Variants in LRBA observed in about 807,000 individuals in gnomAD.
LRBA encodes the protein LPS responsive beige-like anchor protein.
A neutral mutation model predicts 330.0 loss-of-function variants in LRBA; 176 were observed. The ratio of observed to expected loss-of-function variants is 0.53; its 90% CI spans 0.47 to 0.60. LRBA has a LOEUF of 0.60. Among genes scored for constraint, LRBA ranks in the 20% least tolerant of loss-of-function variants. The pLI, the probability that LRBA is intolerant of heterozygous loss-of-function variation, is 0.00. For missense variants in LRBA, 3,259 were observed against 3,444.8 expected, an observed-to-expected ratio of 0.95 and a Z score of 1.35; for synonymous variants, 1,230 against 1,193.0, an observed-to-expected ratio of 1.03 and a Z score of -0.64.
chr4:150,413,321 A>G (rs1345329738), intron 47 of LRBA, among the ~76,000 whole-genome samples: 10 of 152,080 alleles, frequency 6.6e-5, no homozygotes, highest in Admixed American at 2.6e-4. Flanking sequence ...AAGAGAAATA[A>G]AAACAGATGT....
intron 37 of LRBA, among the ~76,000 whole-genome samples, chr4:150,644,511 T>C (rs1193898472): frequency 6.6e-6 from 1 of 151,970 alleles, no homozygotes; most frequent in East Asian, 1.9e-4. Flanking sequence ...AAGAATATTA[T>C]AGCCTTTCAG....
chr4:150,353,708 C>T (rs1737465838), intron 47 of LRBA, among the ~76,000 whole-genome samples: 2 of 152,160 alleles, frequency 1.3e-5, no homozygotes, highest in South Asian at 4.1e-4. Context: ...GAGATCACCA[C>T]AATGCCATGG....
At chr4:151,003,821 A>G (rs2149658081) in intron 2 of LRBA, among the ~76,000 whole-genome samples, 1 of 152,154 alleles carries the variant, frequency 6.6e-6, no homozygotes, top group South Asian at 2.1e-4. Flanking sequence ...AAACCAACAC[A>G]TAGACGAATG....
intron 30 of LRBA, among the ~76,000 whole-genome samples, chr4:150,826,675 A>G (rs186337842): frequency 2.0e-5 from 3 of 152,234 alleles, no homozygotes; most frequent in African/African-American, 7.2e-5. Flanking sequence ...CCAGAGCTTC[A>G]TGAGTTCAAC....
At chr4:150,538,572 T>C (rs569256324) in intron 40 of LRBA, among the ~76,000 whole-genome samples, 1 of 151,880 alleles carries the variant, frequency 6.6e-6, no homozygotes, top group Non-Finnish European at 1.5e-5. Context: ...CATTCATAAA[T>C]GGGAGTTAAA....
intron 23 of LRBA, 69 bp downstream of exon 23, chr4:150,851,816 T>C (rs938029065): frequency 7.2e-7 from 1 of 1,395,912 alleles, no homozygotes; most frequent in Non-Finnish European, 9.4e-7. Flanking sequence ...AAATAAAATT[T>C]AAGTATATAC....
chr4:150,960,033 G>A (rs1170632816), intron 2 of LRBA, among the ~76,000 whole-genome samples: 1 of 147,862 alleles, frequency 6.8e-6, no homozygotes, highest in East Asian at 1.9e-4. Flanking sequence ...GGCTACCGGT[G>A]TGTACCACCA....
chr4:150,753,422 T>C (rs1291318206), intron 35 of LRBA, among the ~76,000 whole-genome samples: 1 of 152,210 alleles, frequency 6.6e-6, no homozygotes, highest in Non-Finnish European at 1.5e-5. Context: ...TCAAAGGTTA[T>C]GAGAGTTCCG....
intron 28 of LRBA, among the ~76,000 whole-genome samples, chr4:150,840,113 C>T (rs967326565): frequency 2.0e-5 from 3 of 152,188 alleles, no homozygotes; most frequent in African/African-American, 7.2e-5. Flanking sequence ...GCGTTGGAGC[C>T]TTATCTGAAA....
chr4:150,973,810 T>G (rs377334386), intron 2 of LRBA, among the ~76,000 whole-genome samples: 1 of 152,006 alleles, frequency 6.6e-6, no homozygotes. Flanking sequence ...CTGGGCAAAA[T>G]AGCGAGACCC....
rs75472437 is a variant in LRBA at position 150,834,235 on chromosome 4, T to A, written c.4570-2259A>T. On this transcript the variant is annotated intron_variant, in intron 28 of 56. Transcript: ENST00000651943. ...TCCCATGAATCACATGGGTACTTCA[T>A]GGTATCTACAATAGTGAATCAATTC... Among the ~76,000 whole-genome samples, 958 of 152,314 alleles carry A rather than the reference T, an allele frequency of 6.3e-3. 4 individuals carry two copies. Among genetic ancestry groups the A allele is most frequent in the Non-Finnish European group, 0.011 (757 of 68,024 alleles).
At chr4:150,885,068 C>G (rs1728796527) in intron 17 of LRBA, among the ~76,000 whole-genome samples, 1 of 151,830 alleles carries the variant, frequency 6.6e-6, no homozygotes, top group South Asian at 2.1e-4. Flanking sequence ...AATAAAGAAT[C>G]TGTGAATTCA....
chr4:150,566,491 T>A (rs558931764), intron 40 of LRBA, among the ~76,000 whole-genome samples: 1 of 152,134 alleles, frequency 6.6e-6, no homozygotes, highest in South Asian at 2.1e-4. Context: ...AAATAAAGAC[T>A]GATTTCAAAA....
chr4:150,672,102 T>C (rs1782112190), intron 37 of LRBA, among the ~76,000 whole-genome samples: 6 of 152,170 alleles, frequency 3.9e-5, no homozygotes, highest in Admixed American at 3.9e-4. Flanking sequence ...AATCCAATCT[T>C]TGACTATTTA....
chr4:150,881,654 C>T lies in LRBA; in HGVS notation c.2166-8899G>A, dbSNP rs554924126. ...CATGTAACAAACCTGCACATGTACCCCCTGAATCTAAGATAAAGGTGGGAA... is the reference window on the plus strand; with the variant it reads ...CATGTAACAAACCTGCACATGTACCTCCTGAATCTAAGATAAAGGTGGGAA... On this transcript the variant is annotated intron_variant, in intron 17 of 56. Transcript: ENST00000651943. Among the ~76,000 whole-genome samples, 98 of 152,154 alleles carry T rather than the reference C, an allele frequency of 6.4e-4. 2 individuals carry two copies. The South Asian group carries it at 0.019, about 30-fold the overall frequency.
chr4:150,454,018 G>A (rs1051587273), intron 44 of LRBA, among the ~76,000 whole-genome samples: 3 of 151,896 alleles, frequency 2.0e-5, no homozygotes, highest in Admixed American at 6.6e-5. Flanking sequence ...CTGGAGGGCA[G>A]AGCACGATCT....
At chr4:150,391,444 T>A (rs1743914714) in intron 47 of LRBA, among the ~76,000 whole-genome samples, 1 of 152,132 alleles carries the variant, frequency 6.6e-6, no homozygotes, top group South Asian at 2.1e-4. Context: ...GTGGGCATAG[T>A]CTAAAAAAGG....
In LRBA at chr4:150,758,718, T is replaced by G. The variant is rs180949558; in HGVS notation, c.5645+3065A>C. 3.3e-5 allele frequency among the ~76,000 whole-genome samples: 5 copies of G among 151,302 alleles called. No individual in the cohort carries two copies. The East Asian group carries it at 9.8e-4, about 30-fold the overall frequency. On this transcript the variant is annotated intron_variant, in intron 35 of 56. Coordinates refer to ENST00000651943, the MANE Select transcript of LRBA (RefSeq NM_001364905.1). ...CCTCCCATGTAGCTGGGACCACAGG[T>G]GCATGCCACCATACCCAACTAATTC...
chr4:150,602,024 A>G (rs1209432390), intron 37 of LRBA, among the ~76,000 whole-genome samples: 2 of 95,748 alleles, frequency 2.1e-5, no homozygotes, highest in African/African-American at 2.8e-5. Flanking sequence ...ATACTTAAAC[A>G]TGGTCCAAAT....
Sources: gnomAD v4.1 joint callset for allele counts (sites outside exome capture counted in the v4.1 genomes callset) on GRCh38, gnomAD v4.1.1 for gene constraint, MANE v1.5 for transcripts, NCBI Gene and HGNC (gene_info 2026-07-23, HGNC 2026-07-21) for gene names.